Variants in TMPRSS9 observed in about 807,000 individuals in gnomAD.
TMPRSS9 encodes transmembrane protease serine 9.
In TMPRSS9, 113 loss-of-function variants were observed where a neutral mutation model predicts 111.4. The ratio of observed to expected loss-of-function variants is 1.01; its 90% CI spans 0.87 to 1.19. The LOEUF (loss-of-function observed/expected upper bound fraction) is 1.19. Ranked by LOEUF, TMPRSS9 falls within the 50% of genes most tolerant of loss-of-function variation. TMPRSS9 has a pLI of 0.00. For missense variants in TMPRSS9, 1,803 were observed against 1,513.1 expected (o/e 1.19, Z -3.18); for synonymous variants, 805 against 659.1 (o/e 1.22, Z -3.39).
intron 1 of TMPRSS9, among the ~76,000 whole-genome samples, chr19:2,394,747 G>A (rs1286919248): frequency 1.3e-5 from 2 of 151,808 alleles, no homozygotes; most frequent in African/African-American, 4.8e-5. Flanking sequence ...CGGTTTACGC[G>A]GTTGCTATTT....
intron 1 of TMPRSS9, among the ~76,000 whole-genome samples, chr19:2,367,678 C>G (rs1012455502): frequency 6.6e-6 from 1 of 152,050 alleles, no homozygotes; most frequent in South Asian, 2.1e-4. Context: ...ATTCTCCTGC[C>G]TCAGCCTCCC....
At chr19:2,404,272 A>T (rs942253902) in intron 6 of TMPRSS9, among the ~76,000 whole-genome samples, 1 of 152,182 alleles carries the variant, frequency 6.6e-6, no homozygotes, top group Non-Finnish European at 1.5e-5. Flanking sequence ...AGGAAGAGGA[A>T]AATCTTAATT....
chr19:2,387,229 T>G (rs1227796018), upstream of TMPRSS9, among the ~76,000 whole-genome samples: 2 of 151,892 alleles, frequency 1.3e-5, no homozygotes, highest in African/African-American at 4.8e-5. Flanking sequence ...GTGAGGTGGC[T>G]CATGCCTGTA....
chr19:2,418,270 T>C, intron 13 of TMPRSS9, 132 bp downstream of exon 14: 2 of 992,456 alleles, frequency 2.0e-6, no homozygotes, highest in Non-Finnish European at 1.4e-6. Flanking sequence ...CTCCTTGTCC[T>C]TCCCTCCTTT....
chr19:2,420,672 G>A (rs1971443421), intron 13 of TMPRSS9, among the ~76,000 whole-genome samples: 1 of 152,120 alleles, frequency 6.6e-6, no homozygotes, highest in East Asian at 1.9e-4. Context: ...CCAGGCAAGT[G>A]CCTTAACCTC....
intron 14 of TMPRSS9, 117 bp downstream of exon 15, chr19:2,422,364 G>C (rs1030866475): frequency 7.9e-7 from 1 of 1,264,150 alleles, no homozygotes; most frequent in Non-Finnish European, 1.0e-6. Context: ...CGGATCAAGA[G>C]GTCAGGAGAT....
At chr19:2,426,009 G>A in exon 18 of TMPRSS9, 9 of 1,607,158 alleles carry the variant, frequency 5.6e-6, no homozygotes, top group Non-Finnish European at 7.6e-6. Flanking sequence ...GGCTATGGCT[G>A]TGGCCGGCCC....
intron 1 of TMPRSS9, among the ~76,000 whole-genome samples, chr19:2,394,127 C>T (rs1052277434): frequency 6.6e-6 from 1 of 152,058 alleles, no homozygotes; most frequent in African/African-American, 2.4e-5. Flanking sequence ...CGCTTGGACC[C>T]AGGAGGCAGA....
chr19:2,397,426 G>T (rs1970733711), intron 2 of TMPRSS9, among the ~76,000 whole-genome samples: 1 of 151,988 alleles, frequency 6.6e-6, no homozygotes, highest in Admixed American at 6.6e-5. Context: ...GAGTAGCCAG[G>T]GTTACAGGCA....
chr19:2,382,605 G>GAC (rs145510194), intron 1 of TMPRSS9, among the ~76,000 whole-genome samples: 17,338 of 150,630 alleles, frequency 0.12, 3,268 homozygotes, highest in African/African-American at 0.39. Context: ...CACACACACA[G>GAC]ACACATGCAC....
intron 1 of TMPRSS9, among the ~76,000 whole-genome samples, chr19:2,382,733 G>T (rs915696583): frequency 6.7e-6 from 1 of 149,440 alleles, no homozygotes; most frequent in Non-Finnish European, 1.5e-5. Flanking sequence ...AGATACATAC[G>T]CACAAACGCA....
At chr19:2,422,318 G>C in intron 14 of TMPRSS9, 71 bp downstream of exon 15, 1 of 1,451,238 alleles carries the variant, frequency 6.9e-7, no homozygotes, top group Non-Finnish European at 9.0e-7. Flanking sequence ...TGCCTAACAA[G>C]ACATAACGTC....
At chr19:2,423,976 A>G (rs1422208132) in intron 14 of TMPRSS9, 113 bp from the exon 16 acceptor site, 2 of 1,153,988 alleles carry the variant, frequency 1.7e-6, no homozygotes, top group East Asian at 3.2e-5. Flanking sequence ...GTCCCCCATC[A>G]CAACCTACTC....
At chr19:2,422,534 G>A (rs1294366476) in intron 14 of TMPRSS9, among the ~76,000 whole-genome samples, 2 of 152,160 alleles carry the variant, frequency 1.3e-5, no homozygotes, top group African/African-American at 4.8e-5. Flanking sequence ...TGAGCTGCAT[G>A]CCACTGCACT....
chr19:2,361,897 C>T (rs533713359), intron 1 of TMPRSS9, among the ~76,000 whole-genome samples: 1 of 152,170 alleles, frequency 6.6e-6, no homozygotes, highest in Non-Finnish European at 1.5e-5. Flanking sequence ...CCCCGCAGGA[C>T]ACCTGTGGTC....
intron 1 of TMPRSS9, among the ~76,000 whole-genome samples, chr19:2,371,166 G>A (rs145166174): frequency 2.2e-3 from 340 of 152,224 alleles, no homozygotes; most frequent in African/African-American, 8.0e-3. Context: ...TTAAGGACAC[G>A]CTGGCCCTAA....
At chr19:2,379,976 CAT>C (rs2145260161) in intron 1 of TMPRSS9, among the ~76,000 whole-genome samples, 1 of 151,868 alleles carries the variant, frequency 6.6e-6, no homozygotes, top group African/African-American at 2.4e-5. Flanking sequence ...CTCGACCTCC[CAT>C]AGTGCTCAGC....
chr19:2,375,590 G>A (rs545681163), intron 1 of TMPRSS9, among the ~76,000 whole-genome samples: 4 of 152,076 alleles, frequency 2.6e-5, no homozygotes, highest in East Asian at 3.9e-4. Context: ...GGTCCAGTGT[G>A]GACCAATCAC....
intron 1 of TMPRSS9, among the ~76,000 whole-genome samples, chr19:2,395,714 TCAAAA>T (rs1970691560): frequency 6.7e-6 from 1 of 150,344 alleles, no homozygotes; most frequent in Non-Finnish European, 1.5e-5. Flanking sequence ...AAACTCTGTC[TCAAAA>T]CAAACAGGCC....
Sources: gnomAD v4.1 joint callset for allele counts (sites outside exome capture counted in the v4.1 genomes callset) on GRCh38, gnomAD v4.1.1 for gene constraint, MANE v1.5 for transcripts, NCBI Gene and HGNC (gene_info 2026-07-23, HGNC 2026-07-21) for gene names.